Variants in LRP1B observed in about 807,000 individuals in gnomAD.
The protein encoded by LRP1B is low-density lipoprotein receptor-related protein 1B.
A neutral mutation model predicts 556.6 loss-of-function variants in LRP1B; 217 were observed. That is an observed-to-expected ratio of 0.39 (90% CI 0.35 to 0.44). LRP1B has a LOEUF of 0.44. Among genes scored for constraint, LRP1B ranks in the 20% least tolerant of loss-of-function variants. The pLI is 1.00. For synonymous variants in LRP1B, 2,047 were observed against 1,865.8 expected (o/e 1.10, Z -2.50); for missense variants, 5,053 against 5,620.8 (o/e 0.90, Z 3.23).
intron 28 of LRP1B, among the ~76,000 whole-genome samples, 184 bp downstream of exon 28, chr2:140,851,468 G>T (rs552340403): frequency 6.6e-6 from 1 of 152,208 alleles, no homozygotes; most frequent in East Asian, 1.9e-4. Context: ...TAAAGAATTT[G>T]TCAGTCTTCC....
chr2:140,783,617 TAGG>T (rs1207284449), intron 32 of LRP1B, among the ~76,000 whole-genome samples: 1 of 152,072 alleles, frequency 6.6e-6, no homozygotes, highest in African/African-American at 2.4e-5. Flanking sequence ...AGACCTGCAA[TAGG>T]AGGAGGTCAG....
chr2:140,784,946 GA>G (rs1272436885), intron 32 of LRP1B, among the ~76,000 whole-genome samples: 1 of 151,946 alleles, frequency 6.6e-6, no homozygotes, highest in African/African-American at 2.4e-5. Flanking sequence ...TTATTTTTCA[GA>G]ACTGAAGGAC....
At chr2:141,353,516 T>A (rs1400653847) in intron 3 of LRP1B, among the ~76,000 whole-genome samples, 1 of 152,018 alleles carries the variant, frequency 6.6e-6, no homozygotes, top group Non-Finnish European at 1.5e-5. Flanking sequence ...AAAACTTTTT[T>A]AACATTAGCC....
intron 84 of LRP1B, among the ~76,000 whole-genome samples, chr2:140,281,772 G>A (rs1168977784): frequency 1.3e-5 from 2 of 151,750 alleles, no homozygotes; most frequent in Non-Finnish European, 2.9e-5. Flanking sequence ...CAGGCATTCT[G>A]TAACTGAGGA....
At chr2:140,334,994 G>T (rs1681000066) in intron 78 of LRP1B, among the ~76,000 whole-genome samples, 1 of 151,796 alleles carries the variant, frequency 6.6e-6, no homozygotes, top group African/African-American at 2.4e-5. Flanking sequence ...TCTTTAATTT[G>T]GAAGACTGCA....
chr2:141,593,010 C>T (rs546135573), intron 2 of LRP1B, among the ~76,000 whole-genome samples: 97 of 152,184 alleles, frequency 6.4e-4, no homozygotes, highest in African/African-American at 2.3e-3. Context: ...AATGTCAATT[C>T]AGGACAAGTT....
chr2:140,495,792 C>T (rs761944365), intron 55 of LRP1B, 44 bp from the exon 56 acceptor site: 7 of 1,489,246 alleles, frequency 4.7e-6, no homozygotes, highest in Non-Finnish European at 1.8e-6. Context: ...ATCATTGTCA[C>T]TGTCTTTTAC....
At chr2:140,909,319 A>G (rs1028949698) in intron 21 of LRP1B, among the ~76,000 whole-genome samples, 77 of 152,274 alleles carry the variant, frequency 5.1e-4, no homozygotes, top group African/African-American at 1.7e-3. Context: ...ATTACATTGT[A>G]TATATCCAAA....
chr2:140,983,484 G>A (rs1696832955), intron 17 of LRP1B, among the ~76,000 whole-genome samples: 1 of 152,114 alleles, frequency 6.6e-6, no homozygotes, highest in Non-Finnish European at 1.5e-5. Flanking sequence ...ATAAGAAAGA[G>A]TGGAGCAAAG....
chr2:140,579,774 G>A (rs958973186), intron 43 of LRP1B, among the ~76,000 whole-genome samples: 4 of 152,184 alleles, frequency 2.6e-5, no homozygotes, highest in South Asian at 4.1e-4. Flanking sequence ...GCCGGGAGGC[G>A]GGGGTTGCAG....
At chr2:141,609,744 C>T (rs925711846) in intron 2 of LRP1B, among the ~76,000 whole-genome samples, 3 of 152,080 alleles carry the variant, frequency 2.0e-5, no homozygotes, top group African/African-American at 7.2e-5. Context: ...GATTTTCTTC[C>T]AGGTGCCCAC....
rs563088541 is a variant in LRP1B, at chr2:141,726,888, G to T, written c.205+83391C>A. Among the ~76,000 whole-genome samples the T allele has an allele frequency of 2.7e-3, 411 of 152,146 alleles. 4 individuals are homozygous for T. The highest frequency in any genetic ancestry group is 9.5e-3 in the African/African-American group (396 of 41,528). ...AGATGAAGAGTAATAATCCTTGAAA[G>T]GATTTTGAAGGATGAGCAGGTATTT... On this transcript the variant is annotated intron_variant, in intron 2 of 90. Transcript: ENST00000389484.
At chr2:141,530,682 T>C (rs1028703482) in intron 2 of LRP1B, among the ~76,000 whole-genome samples, 2 of 151,906 alleles carry the variant, frequency 1.3e-5, no homozygotes, top group Non-Finnish European at 1.5e-5. Context: ...AAGTATTAGA[T>C]AAGATTATCA....
intron 1 of LRP1B, among the ~76,000 whole-genome samples, chr2:142,124,154 G>A (rs900742694): frequency 6.6e-6 from 1 of 151,736 alleles, no homozygotes; most frequent in Non-Finnish European, 1.5e-5. Flanking sequence ...TAAGCCCAGT[G>A]CCCAATAGTT....
At chr2:140,758,620 T>C (rs1298822022) in intron 35 of LRP1B, among the ~76,000 whole-genome samples, 1 of 152,070 alleles carries the variant, frequency 6.6e-6, no homozygotes, top group Non-Finnish European at 1.5e-5. Context: ...ATCACCATTC[T>C]TTTTACTTAA....
intron 2 of LRP1B, among the ~76,000 whole-genome samples, chr2:141,531,167 G>A (rs1180432881): frequency 6.6e-6 from 1 of 152,058 alleles, no homozygotes; most frequent in Non-Finnish European, 1.5e-5. Context: ...CTGTACCTGG[G>A]AGAGTTACTC....
intron 20 of LRP1B, among the ~76,000 whole-genome samples, chr2:140,943,091 T>A (rs1035975643): frequency 7.2e-5 from 11 of 152,068 alleles, no homozygotes; most frequent in Non-Finnish European, 2.9e-5. Context: ...TGGAAAAAGA[T>A]CTATCACACA....
rs941488557 is a variant in LRP1B, at chr2:141,212,430, C to T, written c.850+16753G>A. 4.0e-5 allele frequency among the ~76,000 whole-genome samples: 6 copies of T among 150,688 alleles called. No individual in the cohort carries two copies. In the South Asian group the frequency reaches 1.3e-3, roughly 32 times the overall value. ...AGTAGCTGGGACTACAGGCTTCCAC[C>T]ACCACGCCCGGATAATTTTTTTTTT... On this transcript the variant is annotated intron_variant, in intron 6 of 90. Transcript: ENST00000389484.
At chr2:140,692,824 T>C (rs1386158977) in intron 41 of LRP1B, among the ~76,000 whole-genome samples, 1 of 151,882 alleles carries the variant, frequency 6.6e-6, no homozygotes, top group East Asian at 1.9e-4. Flanking sequence ...AACTTATACT[T>C]CCTGATTTTT....
Sources: gnomAD v4.1 joint callset for allele counts (sites outside exome capture counted in the v4.1 genomes callset) on GRCh38, gnomAD v4.1.1 for gene constraint, MANE v1.5 for transcripts, NCBI Gene and HGNC (gene_info 2026-07-23, HGNC 2026-07-21) for gene names.